The following TMEM132B variants were observed in gnomAD, a reference collection of about 807,000 sequenced individuals.
TMEM132B encodes the protein transmembrane protein 132B.
TMEM132B carries 18 observed loss-of-function variants against 90.8 expected under a neutral mutation model. That is an observed-to-expected ratio of 0.20 (90% confidence interval 0.14 to 0.29). The LOEUF (loss-of-function observed/expected upper bound fraction) is 0.29, where lower values mean the gene tolerates loss of function less well. Ranked by LOEUF, TMEM132B falls within the 10% of genes least tolerant of loss-of-function variation. The pLI is 1.00. For missense variants in TMEM132B, 1,096 were observed against 1,326.8 expected (o/e 0.83, Z 2.70); for synonymous variants, 504 against 523.3 (o/e 0.96, Z 0.50).
In TMEM132B at chr12:125,465,858, G is replaced by A. The variant is rs116259016; in HGVS notation, c.1106+50181G>A. 6.7e-3 allele frequency among the ~76,000 whole-genome samples: 1,022 copies of A among 152,202 alleles called. 15 individuals are homozygous for A. Among genetic ancestry groups the A allele is most frequent in the African/African-American group, 0.023 (952 of 41,526 alleles). ...GTTGTTTAAAATTCTGGGGCCCCCT[G>A]CCTCGCTCTCTCTTGCTCCTGCTCT... On this transcript the variant is annotated intron_variant, in intron 3 of 8. Coordinates refer to ENST00000682704, the MANE Select transcript of TMEM132B (RefSeq NM_001366854.1).
intron 4 of TMEM132B, among the ~76,000 whole-genome samples, chr12:125,559,665 G>A (rs1373575079): frequency 1.3e-5 from 2 of 152,126 alleles, no homozygotes; most frequent in African/African-American, 4.8e-5. Flanking sequence ...TGAGCGGCAT[G>A]GTGGCTCTGG....
chr12:125,543,660 C>T (rs564700447), intron 4 of TMEM132B, among the ~76,000 whole-genome samples: 1 of 152,278 alleles, frequency 6.6e-6, no homozygotes, highest in Non-Finnish European at 1.5e-5. Flanking sequence ...TTTTGTCTCA[C>T]ACCAGTTAGA....
chr12:125,433,907 G>A (rs1475223325), intron 3 of TMEM132B, among the ~76,000 whole-genome samples: 1 of 152,100 alleles, frequency 6.6e-6, no homozygotes, highest in African/African-American at 2.4e-5. Flanking sequence ...CGCCTTGGAA[G>A]GGGGCTCTGC....
rs189986906 is a variant in TMEM132B, at chr12:125,289,869, C to T, written c.68-59583C>T. Among the ~76,000 whole-genome samples, 4 of 152,324 alleles carry T rather than the reference C, an allele frequency of 2.6e-5. No homozygotes were observed. In the East Asian group the frequency reaches 7.7e-4, roughly 29 times the overall value. On this transcript the variant is annotated intron_variant, in intron 1 of 8. Coordinates refer to ENST00000682704, the MANE Select transcript of TMEM132B (RefSeq NM_001366854.1). ...GAGGGAAGCAGTGTTTCTCATGCTA[C>T]AGCAGTCTCAAAAGTCCTCACCTTG...
intron 5 of TMEM132B, among the ~76,000 whole-genome samples, chr12:125,611,896 T>C (rs566519564): frequency 3.9e-5 from 6 of 152,160 alleles, no homozygotes; most frequent in Admixed American, 3.9e-4. Flanking sequence ...TTTTGTGGAG[T>C]ATTTTATAGA....
chr12:125,428,055 T>G (rs1362399626), intron 3 of TMEM132B, among the ~76,000 whole-genome samples: 1 of 152,020 alleles, frequency 6.6e-6, no homozygotes, highest in Non-Finnish European at 1.5e-5. Context: ...TGGAATGCAG[T>G]GGCATGACCA....
At chr12:125,496,451 T>C (rs986881183) in intron 3 of TMEM132B, among the ~76,000 whole-genome samples, 7 of 152,172 alleles carry the variant, frequency 4.6e-5, no homozygotes, top group Admixed American at 1.3e-4. Context: ...GCCACTTATG[T>C]ATCATAAAAT....
chr12:125,230,208 G>A (rs1277699654), intron 1 of TMEM132B, among the ~76,000 whole-genome samples: 1 of 152,166 alleles, frequency 6.6e-6, no homozygotes, highest in Non-Finnish European at 1.5e-5. Context: ...TTTAATTGCT[G>A]GTTGTAGAAA....
intron 4 of TMEM132B, among the ~76,000 whole-genome samples, chr12:125,537,945 C>T (rs895008805): frequency 6.6e-6 from 1 of 152,120 alleles, no homozygotes; most frequent in Non-Finnish European, 1.5e-5. Flanking sequence ...AGTCCACACA[C>T]TCATCCACCA....
chr12:125,206,692 A>G (rs985806331), intron 1 of TMEM132B, among the ~76,000 whole-genome samples: 1 of 151,712 alleles, frequency 6.6e-6, no homozygotes, highest in Non-Finnish European at 1.5e-5. Context: ...TGGCTTTGGG[A>G]CCCAGACTTC....
rs920615630 is a variant in TMEM132B at position 125,291,847 on chromosome 12, A to G, written c.68-57605A>G. Among the ~76,000 whole-genome samples the G allele has an allele frequency of 4.6e-5, 7 of 152,354 alleles. No homozygotes were observed. In the East Asian group the frequency reaches 9.6e-4, roughly 21 times the overall value. On this transcript the variant is annotated intron_variant, in intron 1 of 8. Transcript: ENST00000682704. ...GTTCAGTGGCCTTAAGTCTATCCAC[A>G]TGATTATGCAACCATCAGCACCGTC...
At chr12:125,396,232 G>A (rs1011682939) in intron 2 of TMEM132B, among the ~76,000 whole-genome samples, 11 of 152,170 alleles carry the variant, frequency 7.2e-5, no homozygotes, top group African/African-American at 2.4e-4. Flanking sequence ...GGACAACCAG[G>A]GTTGGGAGTT....
intron 4 of TMEM132B, among the ~76,000 whole-genome samples, chr12:125,561,219 G>A (rs193198980): frequency 9.2e-5 from 14 of 152,270 alleles, no homozygotes; most frequent in African/African-American, 3.1e-4. Flanking sequence ...CATGTGCTTT[G>A]CAGGGACGTG....
intron 1 of TMEM132B, among the ~76,000 whole-genome samples, chr12:125,194,373 G>C (rs905764079): frequency 2.0e-5 from 3 of 152,088 alleles, no homozygotes; most frequent in African/African-American, 7.2e-5. Flanking sequence ...TTTGTGTCCT[G>C]AATGCCTCCT....
chr12:125,535,946 A>G (rs1364842281), intron 4 of TMEM132B, among the ~76,000 whole-genome samples: 1 of 152,148 alleles, frequency 6.6e-6, no homozygotes, highest in African/African-American at 2.4e-5. Context: ...TGATTTTACA[A>G]CCACATCAGA....
In TMEM132B at chr12:125,658,590, T is replaced by C. The variant is rs1374162798; in HGVS notation, c.*3880T>C. ...TTAAAATTATATATGTGTGATGTAA[T>C]GCATATCACCTGTCATGTAAAGGGA... is the stretch of plus-strand genomic sequence containing the variant. On this transcript the variant is annotated 3_prime_UTR_variant, in exon 9 of 9. Transcript: ENST00000682704. 6.6e-6 allele frequency: 1 copy of C among 152,238 alleles called. No individual in the cohort carries two copies. The highest frequency in any genetic ancestry group is 1.5e-5 in the Non-Finnish European group (1 of 68,036). 9.4% of individuals were successfully genotyped at this position (152,238 alleles called of 1,614,324 possible).
intron 1 of TMEM132B, among the ~76,000 whole-genome samples, chr12:125,235,033 C>G (rs765356491): frequency 5.3e-5 from 8 of 152,184 alleles, no homozygotes; most frequent in Non-Finnish European, 8.8e-5. Context: ...ATTCCTAAGC[C>G]TCTGCATGCT....
chr12:125,476,635 TTGAGTTGCTAATA>T (rs954222158), intron 3 of TMEM132B, among the ~76,000 whole-genome samples: 14 of 152,210 alleles, frequency 9.2e-5, no homozygotes, highest in East Asian at 3.9e-4. Flanking sequence ...TTTGGTGGGG[TTGAGTTGCTAATA>T]TGAGTTGCTA....
At chr12:125,647,753 A>T (rs559489663) in intron 6 of TMEM132B, among the ~76,000 whole-genome samples, 4 of 152,308 alleles carry the variant, frequency 2.6e-5, no homozygotes, top group African/African-American at 9.6e-5. Flanking sequence ...AGAATGATAG[A>T]ATGAGTAAAA....
Sources: allele counts gnomAD v4.1 joint callset (sites outside exome capture counted in the v4.1 genomes callset), GRCh38; gene constraint gnomAD v4.1.1; transcripts MANE v1.5; gene names NCBI Gene and HGNC (gene_info 2026-07-23, HGNC 2026-07-21).